The following DLC1 variants were observed in gnomAD, a reference collection of about 807,000 sequenced individuals.
DLC1 encodes DLC1 Rho GTPase activating protein.
In DLC1, 54 loss-of-function variants were observed where a neutral mutation model predicts 140.3. That is an observed-to-expected ratio of 0.38 (90% CI 0.31 to 0.48). DLC1 has a LOEUF of 0.48. Among genes scored for constraint, DLC1 ranks in the 20% least tolerant of loss-of-function variants. DLC1 has a pLI of 0.96. For missense variants in DLC1, 2,536 were observed against 1,907.0 expected, an observed-to-expected ratio of 1.33 and a Z score of -6.14; for synonymous variants, 986 against 728.1, an observed-to-expected ratio of 1.35 and a Z score of -5.70.
At chr8:13,389,254 C>G (rs1046287241) in intron 4 of DLC1, among the ~76,000 whole-genome samples, 1 of 151,996 alleles carries the variant, frequency 6.6e-6, no homozygotes, top group Non-Finnish European at 1.5e-5. Flanking sequence ...ACAACAAAAC[C>G]TCAGAGATTT....
At chr8:13,290,039 G>A (rs938993320) in intron 5 of DLC1, among the ~76,000 whole-genome samples, 10 of 150,686 alleles carry the variant, frequency 6.6e-5, no homozygotes, top group African/African-American at 2.2e-4. Context: ...GTTCTGTACA[G>A]GTAGTGTCTT....
intron 1 of DLC1, among the ~76,000 whole-genome samples, chr8:13,582,878 C>CTA (rs55681527): frequency 0.027 from 2,810 of 102,398 alleles, 60 homozygotes; most frequent in Admixed American, 0.058. Context: ...ATACTGTGGT[C>CTA]TATATATATA....
At chr8:13,274,982 T>C (rs1165717783) in intron 5 of DLC1, among the ~76,000 whole-genome samples, 2 of 152,210 alleles carry the variant, frequency 1.3e-5, no homozygotes, top group African/African-American at 4.8e-5. Flanking sequence ...CCTTAAAGAG[T>C]TAAATAAAAA....
chr8:13,335,149 CA>C (rs1203142817), intron 4 of DLC1, among the ~76,000 whole-genome samples: 13 of 152,110 alleles, frequency 8.5e-5, no homozygotes, highest in African/African-American at 3.1e-4. Flanking sequence ...TGAGATCTTC[CA>C]AAGAGAAAAG....
chr8:13,122,857 T>G (rs1821217615), intron 5 of DLC1, among the ~76,000 whole-genome samples: 1 of 150,980 alleles, frequency 6.6e-6, no homozygotes, highest in Non-Finnish European at 1.5e-5. Flanking sequence ...ACTAAGTCAG[T>G]TTCTTAGGCT....
chr8:13,413,528 AAAAT>A (rs1563326712), intron 2 of DLC1, among the ~76,000 whole-genome samples: 2 of 151,978 alleles, frequency 1.3e-5, no homozygotes, highest in Non-Finnish European at 2.9e-5. Flanking sequence ...GTATATGCAC[AAAAT>A]AAATCTGGAA....
intron 1 of DLC1, chr8:13,584,221 C>G (rs535648934): frequency 6.5e-6 from 1 of 153,296 alleles, no homozygotes; most frequent in Non-Finnish European, 1.5e-5. Flanking sequence ...TGAACTTACC[C>G]AACCTGCAGC....
chr8:13,249,304 T>C (rs58393141), intron 5 of DLC1, among the ~76,000 whole-genome samples: 35,506 of 151,838 alleles, frequency 0.23, 4,316 homozygotes, highest in South Asian at 0.34. Flanking sequence ...TCTCCAACTC[T>C]TGACTTCAGG....
intron 6 of DLC1, among the ~76,000 whole-genome samples, chr8:13,111,666 C>T (rs1309052163): frequency 6.6e-6 from 1 of 152,072 alleles, no homozygotes; most frequent in Non-Finnish European, 1.5e-5. Flanking sequence ...TCTGAAATTG[C>T]CACTGGATAA....
At chr8:13,360,103 C>G (rs67147240) in intron 4 of DLC1, among the ~76,000 whole-genome samples, 28,692 of 152,142 alleles carry the variant, frequency 0.19, 3,015 homozygotes, top group Non-Finnish European at 0.24. Flanking sequence ...AAGCTGGGTT[C>G]AAGCAAGCTG....
chr8:13,293,851 T>C (rs1315939799), intron 5 of DLC1, among the ~76,000 whole-genome samples: 1 of 152,128 alleles, frequency 6.6e-6, no homozygotes, highest in Non-Finnish European at 1.5e-5. Flanking sequence ...AAAAGAACTA[T>C]GTTCTATTGG....
chr8:13,394,471 G>C (rs886440769), intron 3 of DLC1, among the ~76,000 whole-genome samples: 7 of 149,922 alleles, frequency 4.7e-5, no homozygotes, highest in African/African-American at 1.8e-4. Context: ...AGAATTACCT[G>C]GTAACCTCTG....
At chr8:13,112,334 T>A (rs934240788) in intron 6 of DLC1, among the ~76,000 whole-genome samples, 2 of 152,188 alleles carry the variant, frequency 1.3e-5, no homozygotes, top group South Asian at 2.1e-4. Flanking sequence ...TTTTATGGAA[T>A]GATATGGAAT....
intron 2 of DLC1, among the ~76,000 whole-genome samples, chr8:13,480,090 T>C (rs1186591785): frequency 6.6e-6 from 1 of 152,044 alleles, no homozygotes; most frequent in Non-Finnish European, 1.5e-5. Context: ...ACAACTTATT[T>C]ACAAAAGACA....
chr8:13,255,442 G>A (rs1385494592), intron 5 of DLC1, among the ~76,000 whole-genome samples: 1 of 152,170 alleles, frequency 6.6e-6, no homozygotes. Flanking sequence ...GCAGGGATAA[G>A]TCTTGCCCAT....
chr8:13,574,592 T>C (rs1039090701), intron 1 of DLC1, among the ~76,000 whole-genome samples: 1 of 152,080 alleles, frequency 6.6e-6, no homozygotes, highest in Non-Finnish European at 1.5e-5. Context: ...ATTATACAAA[T>C]GTATAATTTA....
chr8:13,391,124 C>G (rs1444684217), intron 4 of DLC1, among the ~76,000 whole-genome samples: 1 of 152,146 alleles, frequency 6.6e-6, no homozygotes, highest in Non-Finnish European at 1.5e-5. Flanking sequence ...TCTTCATGGC[C>G]TGCTAGAGAA....
At chr8:13,449,816 T>C (rs1241588264) in intron 2 of DLC1, among the ~76,000 whole-genome samples, 2 of 151,978 alleles carry the variant, frequency 1.3e-5, no homozygotes, top group African/African-American at 2.4e-5. Context: ...ACTTAAAGTA[T>C]AATAAAAAAA....
intron 1 of DLC1, among the ~76,000 whole-genome samples, chr8:13,545,462 A>C (rs1042492418): frequency 1.3e-5 from 2 of 152,202 alleles, no homozygotes; most frequent in South Asian, 4.1e-4. Flanking sequence ...TTTCCTGGCC[A>C]AACTGGGCCC....
Sources: allele counts gnomAD v4.1 joint callset (sites outside exome capture counted in the v4.1 genomes callset), GRCh38; gene constraint gnomAD v4.1.1; transcripts MANE v1.5; gene names NCBI Gene and HGNC (gene_info 2026-07-23, HGNC 2026-07-21).